MPHOSPH6: variants seen among roughly 807,000 people sequenced by gnomAD.
MPHOSPH6 encodes M-phase phosphoprotein 6.
In MPHOSPH6, 25 loss-of-function variants were observed where a neutral mutation model predicts 21.8. The ratio of observed to expected loss-of-function variants is 1.15; its 90% CI spans 0.83 to 1.60. MPHOSPH6 has a LOEUF of 1.60. Among genes scored for constraint, MPHOSPH6 ranks in the 40% most tolerant of loss-of-function variants. The probability of loss-of-function intolerance (pLI) is 0.00; values close to 1 mark genes in which losing one functional copy is unlikely to be tolerated. For missense variants in MPHOSPH6, 269 were observed against 181.8 expected (o/e 1.48, Z -2.76); for synonymous variants, 84 against 56.5 (o/e 1.49, Z -2.18).
chr16:82,161,572 C>G (rs1007899374), intron 2 of MPHOSPH6, among the ~76,000 whole-genome samples: 6 of 152,336 alleles, frequency 3.9e-5, no homozygotes, highest in East Asian at 3.9e-4. Flanking sequence ...GGAATTCACA[C>G]TATATCGGGT....
At chr16:82,165,816 C>G (rs1906759664) in intron 1 of MPHOSPH6, among the ~76,000 whole-genome samples, 1 of 74,404 alleles carries the variant, frequency 1.3e-5, no homozygotes, top group African/African-American at 3.6e-5. Flanking sequence ...CTATGATGCT[C>G]TCACAATGAT....
In MPHOSPH6 at chr16:82,164,162, C is replaced by G; in HGVS notation, c.84G>C (p.Lys28Asn). 6.2e-7 allele frequency: 1 copy of G among 1,611,704 alleles called. No homozygotes were observed. The highest frequency in any genetic ancestry group is 8.5e-7 in the Non-Finnish European group (1 of 1,179,904). The change falls in exon 2 of 5, where the codon AAG becomes AAC. Residue 28 changes from lysine to asparagine, a missense_variant. Lys to Asn is a moderately conservative substitution (Grantham distance 94, BLOSUM62 0). Coordinates refer to ENST00000258169, the MANE Select transcript of MPHOSPH6 (RefSeq NM_005792.2). ...FMQRGLDSET[K>N]KQLEEEEKKI... Reference sequence around the variant, plus strand: ...TCTTTTCTTCTTCTTCTAGTTGTTTCTTGGTTTCTGAGTCCAGTCCCCTTT... The same window carrying G: ...TCTTTTCTTCTTCTTCTAGTTGTTTGTTGGTTTCTGAGTCCAGTCCCCTTT...
rs533272019 is a variant in MPHOSPH6, at chr16:82,151,511, A to G, written c.168T>C (p.Ser56=). The G allele has an allele frequency of 3.2e-6, 5 of 1,580,398 alleles. No individual in the cohort carries two copies. In the African/African-American group the frequency reaches 6.8e-5, roughly 22 times the overall value. ...AGAAACTCTGCTCTTCTATTATGAA[A>G]CTCCTAAATGGGAAAATAAAAATAG... is the stretch of plus-strand genomic sequence containing the variant. ...LDLPELKEKE[S]FIIEEQSFLL... The change falls in exon 3 of 5, where the codon AGT becomes AGC. Residue 56 remains serine, a synonymous_variant. Transcript: ENST00000258169.
In MPHOSPH6 at chr16:82,161,285, T is replaced by A. The variant is rs1019112270; in HGVS notation, c.164+2797A>T. Among the ~76,000 whole-genome samples, 6 of 152,162 alleles carry A rather than the reference T, an allele frequency of 3.9e-5. No homozygotes were observed. The East Asian group carries it at 5.8e-4, about 15-fold the overall frequency. ...GAAAGGCTATTGTCCCTCCCCTACA[T>A]CTCAGACCCAGAAGGTTCCTATCTT... On this transcript the variant is annotated intron_variant, in intron 2 of 4. Coordinates refer to ENST00000258169, the MANE Select transcript of MPHOSPH6 (RefSeq NM_005792.2).
chr16:82,151,584 TA>T (rs1311140974), intron 2 of MPHOSPH6, 70 bp from the exon 3 acceptor site: 76 of 1,468,332 alleles, frequency 5.2e-5, no homozygotes, highest in Middle Eastern at 5.1e-4. Context: ...ACACTTTGAA[TA>T]AAAAAAATAA....
chr16:82,163,973 A>C (rs1906682597), intron 2 of MPHOSPH6, 109 bp downstream of exon 2: 3 of 695,904 alleles, frequency 4.3e-6, no homozygotes, highest in Non-Finnish European at 2.4e-6. Context: ...AATAAACTGA[A>C]CAGAAACAAT....
intron 3 of MPHOSPH6, among the ~76,000 whole-genome samples, chr16:82,150,013 C>CTTTT (rs68120502): frequency 0.14 from 20,720 of 146,926 alleles, 2,043 homozygotes; most frequent in Admixed American, 0.33. Flanking sequence ...ATCCTCTGAC[C>CTTTT]TTTTTTTTTT....
At chr16:82,149,214 G>C (rs774534584) in intron 4 of MPHOSPH6, 95 bp downstream of exon 4, 3 of 1,311,380 alleles carry the variant, frequency 2.3e-6, no homozygotes, top group Non-Finnish European at 3.3e-6. Flanking sequence ...GGACTCCCTT[G>C]AAAGCTGCCG....
At chr16:82,158,334 C>CA (rs1261577817) in intron 2 of MPHOSPH6, among the ~76,000 whole-genome samples, 6,744 of 129,240 alleles carry the variant, frequency 0.052, 178 homozygotes, top group Middle Eastern at 0.11. Context: ...TAAAAAAATA[C>CA]AAAAAAAAAA....
intron 1 of MPHOSPH6, among the ~76,000 whole-genome samples, chr16:82,165,144 T>TTTTTTTTTTTTTTTTTTTTTTTTTTG (rs1555540871): frequency 9.2e-6 from 1 of 108,624 alleles, no homozygotes; most frequent in Non-Finnish European, 1.9e-5. Context: ...TTTTTTTTTT[T>TTTTTTTTTTTTTTTTTTTTTTTTTTG]TGAGACAGAG....
At chr16:82,156,358 C>T (rs564849795) in intron 2 of MPHOSPH6, among the ~76,000 whole-genome samples, 3 of 151,958 alleles carry the variant, frequency 2.0e-5, no homozygotes, top group Non-Finnish European at 4.4e-5. Flanking sequence ...CTTACTGCAT[C>T]AAAAATACAA....
intron 2 of MPHOSPH6, among the ~76,000 whole-genome samples, chr16:82,157,830 G>C (rs1906476541): frequency 6.6e-6 from 1 of 152,192 alleles, no homozygotes; most frequent in Admixed American, 6.5e-5. Flanking sequence ...GCCCTGAGAA[G>C]GGAATCTAAC....
intron 3 of MPHOSPH6, 40 bp downstream of exon 3, chr16:82,151,384 A>G: frequency 1.3e-6 from 2 of 1,598,976 alleles, no homozygotes; most frequent in Non-Finnish European, 1.7e-6. Flanking sequence ...AAAAAATTCA[A>G]TTGGAAAAAT....
At position 82,170,121 on chromosome 16, in the gene MPHOSPH6, G is replaced by GCA. The variant is rs1567618093; in HGVS notation, c.51+2_51+3dup. 6.3e-7 allele frequency: 1 copy of GCA among 1,589,546 alleles called. No homozygotes were observed. Among genetic ancestry groups the GCA allele is most frequent in the South Asian group, 1.1e-5 (1 of 88,500 alleles). ...CCGGAGTGGCGCTCTCAGCGTCCCC[G>GCA]CACCTTCATGCGCAGTAGATTCTTG... On this transcript the variant is annotated splice_donor_region_variant and intron_variant, in intron 1 of 4. Transcript: ENST00000258169.
At chr16:82,164,793 A>T (rs765716847) in intron 1 of MPHOSPH6, 2 of 152,280 alleles carry the variant, frequency 1.3e-5, no homozygotes, top group Non-Finnish European at 2.9e-5. Flanking sequence ...AGGTACATCT[A>T]TAAGTCTGCT....
chr16:82,152,045 C>G (rs978447503), intron 2 of MPHOSPH6, among the ~76,000 whole-genome samples: 5 of 152,160 alleles, frequency 3.3e-5, no homozygotes, highest in African/African-American at 1.2e-4. Context: ...ATTTGGAAAG[C>G]AGAATAAAGT....
intron 2 of MPHOSPH6, among the ~76,000 whole-genome samples, chr16:82,155,270 A>T (rs1332309011): frequency 6.6e-6 from 1 of 152,256 alleles, no homozygotes; most frequent in African/African-American, 2.4e-5. Flanking sequence ...AACTGTGATC[A>T]GAAACAATTC....
chr16:82,158,726 C>T (rs889933807), intron 2 of MPHOSPH6, among the ~76,000 whole-genome samples: 7 of 152,094 alleles, frequency 4.6e-5, no homozygotes, highest in Non-Finnish European at 8.8e-5. Flanking sequence ...TAACAAAATT[C>T]AAGCTTTCAA....
At chr16:82,152,352 G>C (rs1205294847) in intron 2 of MPHOSPH6, among the ~76,000 whole-genome samples, 2 of 152,154 alleles carry the variant, frequency 1.3e-5, no homozygotes, top group East Asian at 1.9e-4. Context: ...TCAGAGGCTT[G>C]AGCAGCTTTA....
Sources: gnomAD v4.1 joint callset for allele counts (sites outside exome capture counted in the v4.1 genomes callset) on GRCh38, gnomAD v4.1.1 for gene constraint, MANE v1.5 for transcripts, NCBI Gene and HGNC (gene_info 2026-07-23, HGNC 2026-07-21) for gene names.